The following ULK4 variants were observed in gnomAD, a reference collection of about 807,000 sequenced individuals.
ULK4 encodes the protein inactive serine/threonine-protein kinase ULK4.
A neutral mutation model predicts 160.6 loss-of-function variants in ULK4; 133 were observed. The ratio of observed to expected loss-of-function variants is 0.83; its 90% CI spans 0.72 to 0.96. The LOEUF is 0.96. Among genes scored for constraint, ULK4 ranks in the 40% least tolerant of loss-of-function variants. The pLI, the probability that ULK4 is intolerant of heterozygous loss-of-function variation, is 0.00. For synonymous variants in ULK4, 534 were observed against 539.8 expected, an observed-to-expected ratio of 0.99 and a Z score of 0.15; for missense variants, 1,580 against 1,499.5, an observed-to-expected ratio of 1.05 and a Z score of -0.89.
At chr3:41,445,398 A>C (rs1413486468) in intron 34 of ULK4, among the ~76,000 whole-genome samples, 1 of 152,212 alleles carries the variant, frequency 6.6e-6, no homozygotes, top group Non-Finnish European at 1.5e-5. Flanking sequence ...GGAACCAAAA[A>C]AGAGCCTGCA....
intron 11 of ULK4, among the ~76,000 whole-genome samples, chr3:41,908,834 T>C (rs546295066): frequency 1.1e-4 from 16 of 152,266 alleles, no homozygotes; most frequent in African/African-American, 3.9e-4. Context: ...GGCTTACTCC[T>C]GTAATCCCAG....
At chr3:41,289,708 C>T (rs2079522293) in intron 35 of ULK4, among the ~76,000 whole-genome samples, 1 of 152,146 alleles carries the variant, frequency 6.6e-6, no homozygotes, top group African/African-American at 2.4e-5. Context: ...ACAGAGGACA[C>T]TTAGTGCTCA....
intron 35 of ULK4, among the ~76,000 whole-genome samples, chr3:41,299,316 T>A (rs1165692128): frequency 2.0e-5 from 3 of 152,192 alleles, no homozygotes; most frequent in Non-Finnish European, 4.4e-5. Flanking sequence ...ACCAACCCCA[T>A]TAGCAGCTGA....
chr3:41,519,898 A>T (rs1201295567), intron 32 of ULK4, among the ~76,000 whole-genome samples: 2 of 152,124 alleles, frequency 1.3e-5, no homozygotes, highest in Non-Finnish European at 2.9e-5. Context: ...ATATTCATGC[A>T]CTTCTTTCCA....
chr3:41,598,024 C>A (rs776512552), intron 31 of ULK4, among the ~76,000 whole-genome samples: 1 of 152,206 alleles, frequency 6.6e-6, no homozygotes, highest in Non-Finnish European at 1.5e-5. Context: ...GCAGATCCTG[C>A]GTTCCCAAAG....
intron 21 of ULK4, among the ~76,000 whole-genome samples, chr3:41,787,638 T>C (rs1293923335): frequency 6.6e-6 from 1 of 152,228 alleles, no homozygotes. Flanking sequence ...AAAAAGGTTC[T>C]GGAGATCTGT....
At chr3:41,585,496 T>A (rs1388949589) in intron 31 of ULK4, among the ~76,000 whole-genome samples, 1 of 152,220 alleles carries the variant, frequency 6.6e-6, no homozygotes, top group African/African-American at 2.4e-5. Context: ...ACTTTTACCT[T>A]ATACCATATA....
rs1452200915 is a variant in ULK4, at chr3:41,911,240, T to C, written c.1085+77A>G. The C allele has an allele frequency of 3.6e-6, 5 of 1,393,188 alleles. No individual in the cohort carries two copies. The East Asian group carries it at 6.9e-5, about 19-fold the overall frequency. 86.3% of individuals were successfully genotyped at this position (1,393,188 alleles called of 1,614,324 possible). On this transcript the variant is annotated intron_variant, in intron 11 of 36. Coordinates refer to ENST00000301831, the MANE Select transcript of ULK4 (RefSeq NM_017886.4). Reference sequence around the variant, plus strand: ...GTTCTTTATCTCTGTGTAACAAAGTTTGCACCAAGATAGCAGATGCTTTAA... The same window carrying C: ...GTTCTTTATCTCTGTGTAACAAAGTCTGCACCAAGATAGCAGATGCTTTAA...
chr3:41,744,621 A>G (rs1400381089), intron 22 of ULK4, among the ~76,000 whole-genome samples: 2 of 151,926 alleles, frequency 1.3e-5, no homozygotes, highest in African/African-American at 4.8e-5. Flanking sequence ...ATAACTGCAG[A>G]CTCCAACACC....
intron 34 of ULK4, among the ~76,000 whole-genome samples, chr3:41,442,223 G>C (rs2083188201): frequency 6.6e-6 from 1 of 152,288 alleles, no homozygotes; most frequent in South Asian, 2.1e-4. Flanking sequence ...GGACAGGACA[G>C]AGGAGGTAGA....
intron 21 of ULK4, among the ~76,000 whole-genome samples, chr3:41,776,012 T>A (rs1302798431): frequency 6.6e-6 from 1 of 151,090 alleles, no homozygotes. Flanking sequence ...ACACATGTAT[T>A]TTTTGGCTCA....
intron 35 of ULK4, among the ~76,000 whole-genome samples, chr3:41,298,236 G>A (rs1308769204): frequency 6.6e-6 from 1 of 152,196 alleles, no homozygotes; most frequent in African/African-American, 2.4e-5. Flanking sequence ...TTGGCTTTTG[G>A]TTTTTCTGAT....
intron 25 of ULK4, among the ~76,000 whole-genome samples, chr3:41,714,767 G>A (rs1421556853): frequency 2.0e-5 from 3 of 151,022 alleles, no homozygotes; most frequent in Non-Finnish European, 4.4e-5. Context: ...CAGGAGAATC[G>A]CTTGAACCCA....
At chr3:41,494,981 G>T (rs77174796) in intron 32 of ULK4, among the ~76,000 whole-genome samples, 1 of 151,586 alleles carries the variant, frequency 6.6e-6, no homozygotes, top group Non-Finnish European at 1.5e-5. Flanking sequence ...GGAAGAATCA[G>T]TATCGTGAAA....
chr3:41,835,629 C>A (rs895288472), intron 18 of ULK4, among the ~76,000 whole-genome samples: 2 of 152,070 alleles, frequency 1.3e-5, no homozygotes, highest in Non-Finnish European at 2.9e-5. Flanking sequence ...CTTCAAACCA[C>A]CTACATTCTA....
chr3:41,623,492 G>GA (rs2033351156), intron 30 of ULK4, among the ~76,000 whole-genome samples: 1 of 152,048 alleles, frequency 6.6e-6, no homozygotes, highest in South Asian at 2.1e-4. Context: ...TGAATGAATA[G>GA]AAAAAAATGC....
intron 16 of ULK4, among the ~76,000 whole-genome samples, chr3:41,892,922 G>C (rs1356552233): frequency 6.6e-6 from 1 of 152,158 alleles, no homozygotes; most frequent in African/African-American, 2.4e-5. Flanking sequence ...GTCAGTTGAG[G>C]AGACAAATTT....
intron 9 of ULK4, 102 bp downstream of exon 9, chr3:41,912,704 CG>C: frequency 9.8e-7 from 1 of 1,019,194 alleles, no homozygotes; most frequent in Non-Finnish European, 1.5e-6. Context: ...TCTCCTACTA[CG>C]AAAGCAGAGA....
At chr3:41,942,632 A>G (rs556397423) in intron 2 of ULK4, among the ~76,000 whole-genome samples, 1 of 152,190 alleles carries the variant, frequency 6.6e-6, no homozygotes, top group South Asian at 2.1e-4. Flanking sequence ...AGCCTGACCA[A>G]CATGGAGAAA....
Sources: allele counts gnomAD v4.1 joint callset (sites outside exome capture counted in the v4.1 genomes callset), GRCh38; gene constraint gnomAD v4.1.1; transcripts MANE v1.5; gene names NCBI Gene and HGNC (gene_info 2026-07-23, HGNC 2026-07-21).